The following SYTL5 variants were observed in gnomAD, a reference collection of about 807,000 sequenced individuals.
SYTL5 encodes the protein synaptotagmin like 5.
In SYTL5, 34 loss-of-function variants were observed where a neutral mutation model predicts 55.9. The ratio of observed to expected loss-of-function variants is 0.61; its 90% confidence interval spans 0.46 to 0.81. The LOEUF is 0.81. Among genes scored for constraint, SYTL5 ranks in the 30% least tolerant of loss-of-function variants. The probability of loss-of-function intolerance (pLI) is 0.00; values close to 1 mark genes in which losing one functional copy is unlikely to be tolerated. For synonymous variants in SYTL5, 221 were observed against 188.7 expected, an observed-to-expected ratio of 1.17 and a Z score of -1.40; for missense variants, 637 against 546.7, an observed-to-expected ratio of 1.17 and a Z score of -1.65.
the SYTL5 span, among the ~76,000 whole-genome samples, chrX:37,986,790 C>T: frequency 1.8e-5 from 2 of 111,922 alleles, no homozygotes; most frequent in Non-Finnish European, 3.8e-5. Flanking sequence ...AGCTTTTTAT[C>T]ATTTGAAGAA....
the SYTL5 span, among the ~76,000 whole-genome samples, chrX:37,899,769 G>A: frequency 9.0e-6 from 1 of 110,682 alleles, no homozygotes; most frequent in Non-Finnish European, 1.9e-5. Flanking sequence ...AATATATTGG[G>A]TACCTATAAG....
chrX:38,107,034 T>G (rs191975182), intron 11 of SYTL5, among the ~76,000 whole-genome samples: 50 of 112,653 alleles, frequency 4.4e-4, no homozygotes, highest in African/African-American at 1.6e-3. Flanking sequence ...TGAAGTAGAA[T>G]GCTGACATGT....
At chrX:37,949,448 T>A in the SYTL5 span, 2 of 111,844 alleles carry the variant, frequency 1.8e-5, no homozygotes, top group Admixed American at 1.9e-4. Context: ...TTTATTATTG[T>A]TGTTGTTATT....
chrX:37,988,472 A>G, the SYTL5 span, among the ~76,000 whole-genome samples: 8 of 112,564 alleles, frequency 7.1e-5, no homozygotes, highest in African/African-American at 2.6e-4. Flanking sequence ...GGTCCCTGGA[A>G]GTGGGTTGCT....
chrX:38,104,950 A>T (rs1937169626), intron 10 of SYTL5, among the ~76,000 whole-genome samples: 1 of 112,426 alleles, frequency 8.9e-6, no homozygotes, highest in African/African-American at 3.2e-5. Flanking sequence ...CCAAGGTCAC[A>T]TTTTCACTTA....
intron 13 of SYTL5, among the ~76,000 whole-genome samples, chrX:38,116,968 T>C (rs1387336453): frequency 8.9e-6 from 1 of 112,547 alleles, no homozygotes; most frequent in Non-Finnish European, 1.9e-5. Flanking sequence ...CTAGATAGAC[T>C]GAAAACTCAT....
At chrX:38,100,374 A>G (rs1937051404) in intron 9 of SYTL5, among the ~76,000 whole-genome samples, 1 of 111,349 alleles carries the variant, frequency 9.0e-6, no homozygotes, top group African/African-American at 3.2e-5. Flanking sequence ...GTTTTAATGA[A>G]ATGACATTAT....
intron 13 of SYTL5, among the ~76,000 whole-genome samples, chrX:38,114,946 C>A (rs1173690395): frequency 8.9e-6 from 1 of 111,740 alleles, no homozygotes; most frequent in Non-Finnish European, 1.9e-5. Context: ...TAAGTGAGGT[C>A]ATGCAGTGTT....
intron 9 of SYTL5, among the ~76,000 whole-genome samples, chrX:38,099,656 C>G (rs988315951): frequency 3.6e-5 from 4 of 111,027 alleles, no homozygotes; most frequent in Admixed American, 1.9e-4. Context: ...TGTATTGTTT[C>G]TGATCTTAGA....
At chrX:37,912,595 G>A in the SYTL5 span, among the ~76,000 whole-genome samples, 1 of 111,935 alleles carries the variant, frequency 8.9e-6, no homozygotes, top group African/African-American at 3.3e-5. Context: ...TTATCTGGGG[G>A]TTGGCTCAAA....
intron 2 of SYTL5, among the ~76,000 whole-genome samples, chrX:38,037,240 G>A (rs1373068836): frequency 1.8e-5 from 2 of 111,680 alleles, no homozygotes; most frequent in Admixed American, 9.5e-5. Flanking sequence ...AGAGCTTCCC[G>A]TGGGATGATG....
chrX:37,899,541 G>T, the SYTL5 span, among the ~76,000 whole-genome samples: 24 of 112,071 alleles, frequency 2.1e-4, no homozygotes, highest in Non-Finnish European at 3.8e-4. Flanking sequence ...AATGCTCACT[G>T]AAAACGCAAA....
the SYTL5 span, among the ~76,000 whole-genome samples, chrX:37,947,842 G>A: frequency 9.0e-6 from 1 of 111,520 alleles, no homozygotes; most frequent in Middle Eastern, 4.7e-3. Context: ...CCACCTTGAA[G>A]GATTTTTGTG....
chrX:38,061,262 C>T (rs769038794), intron 3 of SYTL5, among the ~76,000 whole-genome samples: 5 of 111,779 alleles, frequency 4.5e-5, no homozygotes, highest in African/African-American at 1.6e-4. Flanking sequence ...AGCTGAAAAT[C>T]AGAGTACATT....
chrX:38,108,980 A>T (rs1201945339), intron 12 of SYTL5, among the ~76,000 whole-genome samples: 1 of 112,446 alleles, frequency 8.9e-6, no homozygotes. Context: ...TTGCTAAAAA[A>T]TCGGTTTTAC....
chrX:38,109,752 C>T (rs73467493), intron 12 of SYTL5, among the ~76,000 whole-genome samples: 259 of 108,701 alleles, frequency 2.4e-3, no homozygotes, highest in African/African-American at 8.3e-3. Flanking sequence ...GAGCATGTGG[C>T]CCTGGATGAT....
the SYTL5 span, among the ~76,000 whole-genome samples, chrX:37,938,609 C>T: frequency 4.5e-5 from 5 of 111,219 alleles, no homozygotes; most frequent in Non-Finnish European, 9.4e-5. Flanking sequence ...GTCATATTCT[C>T]TCTCTCTGTC....
chrX:38,045,379 C>G (rs1014968803), intron 2 of SYTL5, among the ~76,000 whole-genome samples: 3 of 112,461 alleles, frequency 2.7e-5, no homozygotes, highest in Admixed American at 9.4e-5. Context: ...CCTCGTATTT[C>G]TGTGGTTTTA....
chrX:37,902,141 A>C, the SYTL5 span, among the ~76,000 whole-genome samples: 1 of 111,961 alleles, frequency 8.9e-6, no homozygotes, highest in East Asian at 2.8e-4. Context: ...TTTTAGCTTT[A>C]TTTATGTTTT....
Sources: allele counts gnomAD v4.1 joint callset (sites outside exome capture counted in the v4.1 genomes callset), GRCh38; gene constraint gnomAD v4.1.1; transcripts MANE v1.5; gene names NCBI Gene and HGNC (gene_info 2026-07-23, HGNC 2026-07-21).